PCBD2: variants seen among roughly 807,000 people sequenced by gnomAD.
The protein encoded by PCBD2 is pterin-4 alpha-carbinolamine dehydratase 2.
In PCBD2, 12 loss-of-function variants were observed where a neutral mutation model predicts 16.4. The observed-to-expected ratio is 0.73, with a 90% CI of 0.47 to 1.19. PCBD2 has a LOEUF of 1.19. PCBD2 is among the 50% of genes most tolerant of loss of function. The pLI is 0.00. For missense variants in PCBD2, 138 were observed against 156.8 expected (o/e 0.88, Z 0.64); for synonymous variants, 58 against 61.8 (o/e 0.94, Z 0.29).
chr5:134,924,736 A>T, intron 2 of PCBD2: 1 of 394,288 alleles, frequency 2.5e-6, no homozygotes, highest in Non-Finnish European at 4.5e-6. Flanking sequence ...TGAGGTGATG[A>T]TGGAGGCGGA....
rs530478727 is a variant in PCBD2, at chr5:134,961,892, G to A, written c.*1211G>A. ...TTCTCCCTCCTCAGCCTCCAGAGTAGCTGGGACTATAGGCAAGTGCCACCA... is the reference window on the plus strand; with the variant it reads ...TTCTCCCTCCTCAGCCTCCAGAGTAACTGGGACTATAGGCAAGTGCCACCA... On this transcript the variant is annotated 3_prime_UTR_variant, in exon 4 of 4. Transcript: ENST00000254908. Among the ~76,000 whole-genome samples, 4 of 151,928 alleles carry A rather than the reference G, an allele frequency of 2.6e-5. No homozygotes were observed. The highest frequency in any genetic ancestry group is 5.9e-5 in the Non-Finnish European group (4 of 68,002).
intron 2 of PCBD2, among the ~76,000 whole-genome samples, chr5:134,916,929 C>G (rs319592): frequency 0.56 from 85,306 of 152,046 alleles, 23,913 homozygotes; most frequent in Admixed American, 0.58. Flanking sequence ...AGTTTCCACA[C>G]TAGGAGTGCT....
At chr5:134,923,400 T>C (rs1750931063) in intron 2 of PCBD2, 1 of 198,924 alleles carries the variant, frequency 5.0e-6, no homozygotes, top group Non-Finnish European at 1.0e-5. Context: ...GAAGGTGATT[T>C]TGTCGGAATG....
At chr5:134,927,444 G>A (rs928758022) in intron 2 of PCBD2, 2 of 398,120 alleles carry the variant, frequency 5.0e-6, no homozygotes, top group African/African-American at 2.1e-5. Flanking sequence ...TATTGTGTAC[G>A]CTAGCCATAT....
chr5:134,950,971 T>C (rs2149539692), intron 2 of PCBD2, among the ~76,000 whole-genome samples: 1 of 152,336 alleles, frequency 6.6e-6, no homozygotes, highest in African/African-American at 2.4e-5. Flanking sequence ...TATTTTAATG[T>C]GAACCAGGTT....
chr5:134,953,771 A>G (rs2149540284), intron 2 of PCBD2, among the ~76,000 whole-genome samples: 1 of 152,342 alleles, frequency 6.6e-6, no homozygotes, highest in Admixed American at 6.5e-5. Flanking sequence ...ACTGCACTCC[A>G]GCCTGGGCGA....
intron 2 of PCBD2, among the ~76,000 whole-genome samples, chr5:134,954,379 C>T (rs1751392142): frequency 6.6e-6 from 1 of 152,156 alleles, no homozygotes. Flanking sequence ...CTTTTAAACT[C>T]CTTTAATAGT....
intron 2 of PCBD2, among the ~76,000 whole-genome samples, chr5:134,941,241 G>A (rs776145771): frequency 1.3e-5 from 2 of 151,784 alleles, no homozygotes; most frequent in Admixed American, 6.6e-5. Flanking sequence ...TTTCAGTTTT[G>A]GTAGGTAGAT....
intron 2 of PCBD2, among the ~76,000 whole-genome samples, chr5:134,920,388 T>C (rs1750888458): frequency 6.6e-6 from 1 of 152,176 alleles, no homozygotes; most frequent in Non-Finnish European, 1.5e-5. Context: ...TTTTTTTGAT[T>C]TTGTTGTTTT....
chr5:134,921,758 C>G (rs1385169212), intron 2 of PCBD2, among the ~76,000 whole-genome samples: 1 of 152,138 alleles, frequency 6.6e-6, no homozygotes, highest in Non-Finnish European at 1.5e-5. Context: ...TCCTGTAGTG[C>G]CTTTCACAGG....
chr5:134,908,580 G>A (rs1004909758), intron 1 of PCBD2, among the ~76,000 whole-genome samples: 17 of 150,542 alleles, frequency 1.1e-4, no homozygotes, highest in Non-Finnish European at 1.5e-5. Context: ...CAGAAGAGTC[G>A]CTTGAACCTG....
At chr5:134,937,936 G>C (rs1216787360) in intron 2 of PCBD2, among the ~76,000 whole-genome samples, 1 of 151,842 alleles carries the variant, frequency 6.6e-6, no homozygotes, top group Non-Finnish European at 1.5e-5. Flanking sequence ...TTTTTCTTTT[G>C]TTGGTTTCTG....
intron 2 of PCBD2, among the ~76,000 whole-genome samples, chr5:134,932,295 C>T (rs868083936): frequency 2.6e-5 from 4 of 151,174 alleles, no homozygotes; most frequent in East Asian, 2.0e-4. Context: ...CTCCTACCTC[C>T]GCCTCCTGAG....
At chr5:134,958,344 C>T (rs1751437303) in intron 2 of PCBD2, among the ~76,000 whole-genome samples, 1 of 152,202 alleles carries the variant, frequency 6.6e-6, no homozygotes, top group African/African-American at 2.4e-5. Flanking sequence ...CCCGTCAGTC[C>T]ACACTTAGTC....
chr5:134,931,829 C>T (rs546799682), intron 2 of PCBD2, among the ~76,000 whole-genome samples: 33 of 152,300 alleles, frequency 2.2e-4, no homozygotes, highest in African/African-American at 7.5e-4. Context: ...TTAAAGGAGG[C>T]GTATGTTATT....
In PCBD2 at chr5:134,955,297, A is replaced by G. The variant is rs116519367; in HGVS notation, c.217-3743A>G. ...GGGTTTCGTATTTTTGTTCAGTTAA[A>G]TAGCAACAATGGTTTTTTTTTTTTT... is the stretch of plus-strand genomic sequence containing the variant. On this transcript the variant is annotated intron_variant, in intron 2 of 3. Transcript: ENST00000254908. Among the ~76,000 whole-genome samples the G allele has an allele frequency of 7.5e-3, 1,133 of 150,264 alleles. 12 individuals carry two copies. Among genetic ancestry groups the G allele is most frequent in the African/African-American group, 0.027 (1,088 of 40,918 alleles).
intron 2 of PCBD2, among the ~76,000 whole-genome samples, chr5:134,916,194 G>T (rs937265343): frequency 6.6e-6 from 1 of 152,168 alleles, no homozygotes; most frequent in Non-Finnish European, 1.5e-5. Context: ...GGAGGCTAGG[G>T]TTGGAGAATC....
chr5:134,926,205 G>A (rs1750993735), intron 2 of PCBD2: 1 of 321,340 alleles, frequency 3.1e-6, no homozygotes. Context: ...ATATTATGGA[G>A]AAATAATCTA....
intron 2 of PCBD2, among the ~76,000 whole-genome samples, chr5:134,957,481 G>T (rs1355617969): frequency 1.3e-5 from 2 of 152,060 alleles, no homozygotes; most frequent in African/African-American, 4.8e-5. Context: ...GTTTAATGTG[G>T]GTTAACTCTA....
Sources: allele counts gnomAD v4.1 joint callset (sites outside exome capture counted in the v4.1 genomes callset), GRCh38; gene constraint gnomAD v4.1.1; transcripts MANE v1.5; gene names NCBI Gene and HGNC (gene_info 2026-07-23, HGNC 2026-07-21).